KAZN: variants seen among roughly 807,000 people sequenced by gnomAD.
KAZN encodes kazrin, periplakin interacting protein.
KAZN carries 40 observed loss-of-function variants against 87.4 expected under a neutral mutation model. The ratio of observed to expected loss-of-function variants is 0.46; its 90% CI spans 0.36 to 0.60. KAZN has a LOEUF of 0.60. KAZN is among the 20% of genes least tolerant of loss of function. The pLI is 0.00. For missense variants in KAZN, 898 were observed against 1,073.9 expected (o/e 0.84, Z 2.29); for synonymous variants, 466 against 458.3 (o/e 1.02, Z -0.22).
intron 1 of KAZN, among the ~76,000 whole-genome samples, chr1:14,060,610 C>A (rs911397609): frequency 6.6e-6 from 1 of 152,192 alleles, no homozygotes; most frequent in Non-Finnish European, 1.5e-5. Flanking sequence ...TTTTCTTCTG[C>A]CTCACTGCCC....
At chr1:14,206,702 C>CTA (rs1553144676) in intron 2 of KAZN, among the ~76,000 whole-genome samples, 19 of 144,876 alleles carry the variant, frequency 1.3e-4, no homozygotes, top group Non-Finnish European at 2.6e-4. Context: ...TGAGCATTTT[C>CTA]TTTTTTTTTT....
At chr1:14,614,934 C>T (rs1316467410) in intron 1 of KAZN, among the ~76,000 whole-genome samples, 1 of 152,214 alleles carries the variant, frequency 6.6e-6, no homozygotes, top group Non-Finnish European at 1.5e-5. Flanking sequence ...AGTTGCTTTA[C>T]TAAAATAGGC....
intron 2 of KAZN, among the ~76,000 whole-genome samples, chr1:14,327,831 C>A (rs1022401536): frequency 1.3e-5 from 2 of 152,132 alleles, no homozygotes; most frequent in Admixed American, 6.5e-5. Context: ...GGGAAAGGAT[C>A]CCCTTTCACA....
intron 4 of KAZN, 135 bp from the exon 5 acceptor site, chr1:15,055,956 C>A (rs1020771070): frequency 1.2e-6 from 1 of 816,128 alleles, no homozygotes; most frequent in East Asian, 2.6e-5. Flanking sequence ...TACCAATTGA[C>A]GCTCGATGCC....
intron 1 of KAZN, among the ~76,000 whole-genome samples, chr1:14,764,194 C>T (rs983862747): frequency 6.6e-6 from 1 of 152,080 alleles, no homozygotes; most frequent in African/African-American, 2.4e-5. Context: ...ATTCCCGGGG[C>T]ACTGAGGGCT....
rs1573186001 is a variant in KAZN, at chr1:15,049,667, C to T, written c.726+5508C>T. ...GTCCCAGTTTGGGTCCTGTTATTTT[C>T]TGTCTGTGTGACCCTTGACAAGGGA... On this transcript the variant is annotated intron_variant, in intron 4 of 14. Transcript: ENST00000376030. Among the ~76,000 whole-genome samples the T allele has an allele frequency of 2.0e-5, 3 of 151,428 alleles. No individual in the cohort carries two copies. In the Middle Eastern group the frequency reaches 0.01, roughly 515 times the overall value.
At chr1:14,993,302 T>C (rs998596938) in intron 2 of KAZN, among the ~76,000 whole-genome samples, 1 of 151,498 alleles carries the variant, frequency 6.6e-6, no homozygotes, top group Non-Finnish European at 1.5e-5. Context: ...ACACTGTCTC[T>C]ACCAAAAATA....
chr1:14,348,800 T>C (rs758387610), intron 2 of KAZN, among the ~76,000 whole-genome samples: 3 of 152,208 alleles, frequency 2.0e-5, no homozygotes, highest in Non-Finnish European at 4.4e-5. Context: ...AAAGCTTTTG[T>C]CCTAGAGAAA....
chr1:13,923,878 A>G (rs929053745), intron 1 of KAZN, among the ~76,000 whole-genome samples: 1 of 152,172 alleles, frequency 6.6e-6, no homozygotes, highest in African/African-American at 2.4e-5. Context: ...CAGTTGATGT[A>G]TAGTTAAATC....
intron 1 of KAZN, among the ~76,000 whole-genome samples, chr1:14,956,681 C>A (rs940507192): frequency 1.3e-5 from 2 of 152,038 alleles, no homozygotes; most frequent in Non-Finnish European, 2.9e-5. Flanking sequence ...TGTTAGCAGT[C>A]ACTCACACCT....
At chr1:14,740,507 T>G (rs888576668) in intron 1 of KAZN, among the ~76,000 whole-genome samples, 12 of 152,080 alleles carry the variant, frequency 7.9e-5, no homozygotes, top group Non-Finnish European at 1.3e-4. Context: ...TTGCTAAAAG[T>G]CTCGCCCACC....
chr1:14,482,206 C>T (rs752040747), intron 2 of KAZN, among the ~76,000 whole-genome samples: 35 of 152,298 alleles, frequency 2.3e-4, no homozygotes, highest in Middle Eastern at 6.8e-3. Flanking sequence ...CTAGCTGATA[C>T]CCCAACCTAC....
chr1:14,907,728 G>T (rs964013431), intron 1 of KAZN, among the ~76,000 whole-genome samples: 2 of 152,172 alleles, frequency 1.3e-5, no homozygotes, highest in African/African-American at 4.8e-5. Flanking sequence ...CTGGCAGGGG[G>T]GTGGACAGAG....
chr1:15,054,121 C>A lies in KAZN; in HGVS notation c.727-1970C>A, dbSNP rs557400053. Among the ~76,000 whole-genome samples, 5 of 152,194 alleles carry A rather than the reference C, an allele frequency of 3.3e-5. No homozygotes were observed. The East Asian group carries it at 7.7e-4, about 24-fold the overall frequency. ...CTTGGTGGGACCCTTTCTCAAGAAT[C>A]CCTGCTCTGCCAGGAAGAACTCCAG... On this transcript the variant is annotated intron_variant, in intron 4 of 14. Transcript: ENST00000376030.
At chr1:15,067,716 C>T (rs1573242132) in intron 8 of KAZN, 1 of 985,440 alleles carries the variant, frequency 1.0e-6, no homozygotes, top group Non-Finnish European at 1.2e-6. Context: ...CAGCAAACAG[C>T]AAGCAGGCAG....
chr1:14,882,550 T>C (rs987197998), intron 1 of KAZN, among the ~76,000 whole-genome samples: 1 of 152,184 alleles, frequency 6.6e-6, no homozygotes, highest in Non-Finnish European at 1.5e-5. Flanking sequence ...GCTTCTGTTA[T>C]AGACCTGGTA....
At chr1:14,194,203 G>A (rs911920200) in intron 2 of KAZN, among the ~76,000 whole-genome samples, 36 of 152,074 alleles carry the variant, frequency 2.4e-4, no homozygotes, top group African/African-American at 6.8e-4. Flanking sequence ...TTTAGAGGAC[G>A]CATGGGGGCA....
At chr1:14,185,026 G>A (rs1056503811) in intron 2 of KAZN, among the ~76,000 whole-genome samples, 1 of 152,106 alleles carries the variant, frequency 6.6e-6, no homozygotes, top group African/African-American at 2.4e-5. Flanking sequence ...CGGCTTTAGG[G>A]TTATGCCTAT....
intron 1 of KAZN, among the ~76,000 whole-genome samples, chr1:14,950,167 T>C (rs1411965975): frequency 6.6e-6 from 1 of 151,408 alleles, no homozygotes; most frequent in African/African-American, 2.4e-5. Flanking sequence ...AGTGGGTGGG[T>C]GTTATTTGAG....
Sources: allele counts gnomAD v4.1 joint callset (sites outside exome capture counted in the v4.1 genomes callset), GRCh38; gene constraint gnomAD v4.1.1; transcripts MANE v1.5; gene names NCBI Gene and HGNC (gene_info 2026-07-23, HGNC 2026-07-21).